FOXJ3: variants seen among roughly 807,000 people sequenced by gnomAD.
The protein encoded by FOXJ3 is forkhead box J3.
In FOXJ3, 22 loss-of-function variants were observed where a neutral mutation model predicts 76.1. The ratio of observed to expected loss-of-function variants is 0.29; its 90% CI spans 0.21 to 0.41. FOXJ3 has a LOEUF of 0.41. Ranked by LOEUF, FOXJ3 falls within the 10% of genes least tolerant of loss-of-function variation. The pLI is 1.00. For synonymous variants in FOXJ3, 269 were observed against 261.2 expected, an observed-to-expected ratio of 1.03 and a Z score of -0.29; for missense variants, 613 against 762.1, an observed-to-expected ratio of 0.80 and a Z score of 2.30.
At chr1:42,270,356 A>C (rs1043902428) in intron 3 of FOXJ3, among the ~76,000 whole-genome samples, 5 of 152,198 alleles carry the variant, frequency 3.3e-5, no homozygotes, top group Non-Finnish European at 5.9e-5. Context: ...ATTCTCTACC[A>C]AAATGTAAAT....
intron 4 of FOXJ3, among the ~76,000 whole-genome samples, chr1:42,248,190 T>A (rs1227894342): frequency 1.3e-5 from 2 of 152,184 alleles, no homozygotes; most frequent in African/African-American, 2.4e-5. Flanking sequence ...TTGGTAGTGA[T>A]GATTGCACAA....
chr1:42,325,237 T>C (rs937376837), intron 1 of FOXJ3, among the ~76,000 whole-genome samples: 2 of 152,210 alleles, frequency 1.3e-5, no homozygotes, highest in African/African-American at 4.8e-5. Context: ...CAATTGCTCA[T>C]TAGATGAGGA....
intron 11 of FOXJ3, among the ~76,000 whole-genome samples, chr1:42,187,806 C>A (rs1263185280): frequency 6.6e-6 from 1 of 152,096 alleles, no homozygotes; most frequent in Non-Finnish European, 1.5e-5. Flanking sequence ...GAATAGGTCA[C>A]CAGAATCAAA....
chr1:42,268,010 C>G (rs1248274200), intron 3 of FOXJ3, among the ~76,000 whole-genome samples: 1 of 151,470 alleles, frequency 6.6e-6, no homozygotes. Flanking sequence ...ATTAAAGTCC[C>G]AGAAGGAGAA....
At chr1:42,279,484 T>C (rs1652538184) in intron 2 of FOXJ3, among the ~76,000 whole-genome samples, 1 of 152,164 alleles carries the variant, frequency 6.6e-6, no homozygotes, top group African/African-American at 2.4e-5. Context: ...AAAGACAGGT[T>C]TGGGCAAACG....
intron 4 of FOXJ3, among the ~76,000 whole-genome samples, chr1:42,244,524 AT>A (rs1649389772): frequency 6.6e-6 from 1 of 152,188 alleles, no homozygotes. Flanking sequence ...ATCTAAAAAA[AT>A]TAAGAAAACA....
chr1:42,185,689 TTAA>T (rs2124149225), intron 11 of FOXJ3, among the ~76,000 whole-genome samples: 1 of 152,176 alleles, frequency 6.6e-6, no homozygotes, highest in Admixed American at 6.5e-5. Flanking sequence ...CTACCTATAT[TTAA>T]TGATGACCTT....
chr1:42,183,159 C>A (rs1569755666), intron 11 of FOXJ3, among the ~76,000 whole-genome samples: 1 of 150,228 alleles, frequency 6.7e-6, no homozygotes, highest in East Asian at 2.0e-4. Flanking sequence ...GCCTGTAGTC[C>A]CAGCTACTCA....
intron 4 of FOXJ3, among the ~76,000 whole-genome samples, chr1:42,239,775 C>CA (rs920837694): frequency 1.6e-4 from 25 of 152,160 alleles, no homozygotes; most frequent in African/African-American, 2.6e-4. Flanking sequence ...TCCACAATCG[C>CA]AAAAAATATT....
chr1:42,186,930 C>T (rs1646448847), intron 11 of FOXJ3, among the ~76,000 whole-genome samples: 1 of 151,544 alleles, frequency 6.6e-6, no homozygotes, highest in African/African-American at 2.4e-5. Flanking sequence ...TCACTACAAC[C>T]TCCGCCTCCC....
At chr1:42,249,150 G>A (rs1026697547) in intron 4 of FOXJ3, among the ~76,000 whole-genome samples, 14 of 152,054 alleles carry the variant, frequency 9.2e-5, no homozygotes, top group African/African-American at 1.5e-4. Context: ...TAACTGATGG[G>A]CATTTGGGTT....
At chr1:42,285,493 C>T (rs1045992789) in intron 2 of FOXJ3, among the ~76,000 whole-genome samples, 1 of 151,900 alleles carries the variant, frequency 6.6e-6, no homozygotes, top group African/African-American at 2.4e-5. Flanking sequence ...AATTTTTAAG[C>T]TAACTACATG....
intron 2 of FOXJ3, among the ~76,000 whole-genome samples, chr1:42,305,427 ATAT>A (rs1346153907): frequency 6.6e-6 from 1 of 152,244 alleles, no homozygotes; most frequent in African/African-American, 2.4e-5. Flanking sequence ...GCAAATCAGT[ATAT>A]TAAAGAGATA....
At chr1:42,321,348 G>A (rs1382352730) in intron 1 of FOXJ3, among the ~76,000 whole-genome samples, 1 of 152,122 alleles carries the variant, frequency 6.6e-6, no homozygotes, top group Non-Finnish European at 1.5e-5. Flanking sequence ...GCAGAAATTA[G>A]TAGTCTGCCA....
intron 3 of FOXJ3, among the ~76,000 whole-genome samples, 161 bp downstream of exon 3, chr1:42,278,187 T>A (rs1034340231): frequency 2.0e-5 from 3 of 152,090 alleles, no homozygotes; most frequent in African/African-American, 7.2e-5. Flanking sequence ...CTACCAAAAA[T>A]AAAGTTATTC....
intron 4 of FOXJ3, among the ~76,000 whole-genome samples, chr1:42,263,023 T>C (rs1003311069): frequency 6.6e-6 from 1 of 152,106 alleles, no homozygotes; most frequent in African/African-American, 2.4e-5. Flanking sequence ...AACTGAAAAC[T>C]ACTGGTAAAA....
At chr1:42,324,067 CAGTGTATATAT>C in intron 1 of FOXJ3, among the ~76,000 whole-genome samples, 1 of 141,222 alleles carries the variant, frequency 7.1e-6, no homozygotes, top group South Asian at 2.2e-4. Flanking sequence ...TGTATATACA[CAGTGTATATAT>C]AGTATATATA....
At chr1:42,265,898 G>A (rs752732778) in intron 3 of FOXJ3, among the ~76,000 whole-genome samples, 11 of 152,118 alleles carry the variant, frequency 7.2e-5, no homozygotes, top group Non-Finnish European at 1.6e-4. Context: ...AAATGCCCTT[G>A]GAAACCTGCA....
intron 2 of FOXJ3, among the ~76,000 whole-genome samples, chr1:42,305,754 G>A (rs555054236): frequency 3.3e-4 from 50 of 152,048 alleles, no homozygotes; most frequent in African/African-American, 1.0e-3. Context: ...AATGGTTAAC[G>A]GGTACAAAAA....
Sources: allele counts gnomAD v4.1 joint callset (sites outside exome capture counted in the v4.1 genomes callset), GRCh38; gene constraint gnomAD v4.1.1; transcripts MANE v1.5; gene names NCBI Gene and HGNC (gene_info 2026-07-23, HGNC 2026-07-21).